The following ACSM2B variants were observed in gnomAD, a reference collection of about 807,000 sequenced individuals.
The protein encoded by ACSM2B is acyl-coenzyme A synthetase ACSM2B, mitochondrial.
ACSM2B carries 58 observed loss-of-function variants against 78.6 expected under a neutral mutation model. That is an observed-to-expected ratio of 0.74 (90% CI 0.60 to 0.92). The LOEUF (loss-of-function observed/expected upper bound fraction) is 0.92. Ranked by LOEUF, ACSM2B falls within the 40% of genes least tolerant of loss-of-function variation. ACSM2B has a pLI of 0.00. For synonymous variants in ACSM2B, 257 were observed against 256.8 expected (o/e 1.00, Z -0.01); for missense variants, 688 against 711.2 (o/e 0.97, Z 0.37).
chr16:20,574,538 T>C (rs1320756744), intron 1 of ACSM2B: 1 of 151,824 alleles, frequency 6.6e-6, no homozygotes, highest in African/African-American at 2.4e-5. Flanking sequence ...GCATAAGAAA[T>C]TATAAAAGTA....
intron 13 of ACSM2B, among the ~76,000 whole-genome samples, chr16:20,540,236 TG>T (rs1365917497): frequency 5.6e-5 from 8 of 142,670 alleles, no homozygotes; most frequent in Non-Finnish European, 7.7e-5. Context: ...TTTTTTTTTT[TG>T]TTTGTTTGTT....
intron 9 of ACSM2B, among the ~76,000 whole-genome samples, chr16:20,545,935 T>C (rs1431526272): frequency 2.0e-5 from 3 of 152,204 alleles, no homozygotes. Flanking sequence ...TAGTGAAAAC[T>C]GGGACATCAT....
chr16:20,539,885 G>T lies in ACSM2B; in HGVS notation c.1629+769C>A, dbSNP rs565149761. ...CACTACAAAGGAAAGAGAGTCAAAG[G>T]GTGAAAGAGAGACACCTGACCACAT... On this transcript the variant is annotated intron_variant, in intron 13 of 13. Transcript: ENST00000329697. Among the ~76,000 whole-genome samples the T allele has an allele frequency of 7.2e-4, 110 of 152,204 alleles. 2 individuals carry two copies. Among genetic ancestry groups the T allele is most frequent in the Admixed American group, 2.4e-3 (37 of 15,286 alleles).
At chr16:20,545,360 C>G (rs1294756069) in intron 9 of ACSM2B, 102 bp from the exon 10 acceptor site, 3 of 1,347,022 alleles carry the variant, frequency 2.2e-6, no homozygotes, top group African/African-American at 2.9e-5. Context: ...CTCTCTTGCT[C>G]TAGTGGAGAC....
chr16:20,572,182 A>T (rs913165105), intron 1 of ACSM2B, among the ~76,000 whole-genome samples: 2 of 150,696 alleles, frequency 1.3e-5, no homozygotes, highest in Admixed American at 1.3e-4. Flanking sequence ...TGTGAGGTTT[A>T]TGCTTTAAAA....
intron 5 of ACSM2B, 97 bp downstream of exon 5, chr16:20,553,680 A>C: frequency 6.6e-7 from 1 of 1,516,958 alleles, no homozygotes; most frequent in Non-Finnish European, 8.8e-7. Flanking sequence ...TCAGAACCAC[A>C]AGGTGGTGAC....
intron 1 of ACSM2B, chr16:20,574,111 C>G (rs1290086664): frequency 6.6e-6 from 1 of 152,118 alleles, no homozygotes; most frequent in Non-Finnish European, 1.5e-5. Flanking sequence ...ATAGACCTAC[C>G]CCCAGGAATG....
chr16:20,544,179 G>T (rs920491872), intron 10 of ACSM2B, among the ~76,000 whole-genome samples: 1 of 152,208 alleles, frequency 6.6e-6, no homozygotes, highest in African/African-American at 2.4e-5. Context: ...AATGCTTGGA[G>T]AAGGGGACAG....
At chr16:20,554,200 C>A (rs1221000256) in intron 4 of ACSM2B, 2 of 572,894 alleles carry the variant, frequency 3.5e-6, no homozygotes, top group Admixed American at 2.5e-5. Context: ...GAGATCAAGT[C>A]TTATAGAGTT....
At chr16:20,540,551 CTT>C in intron 13 of ACSM2B, 101 bp downstream of exon 13, 10 of 1,542,492 alleles carry the variant, frequency 6.5e-6, no homozygotes, top group South Asian at 1.2e-5. Context: ...CCCAGGAAGA[CTT>C]TTTAAAATTA....
At chr16:20,561,777 A>G (rs1376324828) in intron 2 of ACSM2B, among the ~76,000 whole-genome samples, 1 of 151,490 alleles carries the variant, frequency 6.6e-6, no homozygotes, top group Admixed American at 6.6e-5. Context: ...CGTTTGTCAC[A>G]TATGTATACA....
At chr16:20,538,824 G>C (rs1204653536) in intron 13 of ACSM2B, among the ~76,000 whole-genome samples, 1 of 152,128 alleles carries the variant, frequency 6.6e-6, no homozygotes, top group Non-Finnish European at 1.5e-5. Flanking sequence ...GAACCCGACA[G>C]TCTGATTCCT....
chr16:20,553,352 C>T (rs571953145), intron 5 of ACSM2B, among the ~76,000 whole-genome samples: 2 of 152,142 alleles, frequency 1.3e-5, no homozygotes, highest in African/African-American at 4.8e-5. Context: ...ATCCTGAGAT[C>T]TTTGTTCACA....
Position 20,537,884 on chromosome 16 carries a change from A to G in ACSM2B, c.1630-522T>C, listed in dbSNP as rs539592819. On this transcript the variant is annotated intron_variant, in intron 13 of 13. Transcript: ENST00000329697. ...CTTTAGACATGTAAGACATTTAAGAATTAGGATACCTCATTTTGAATTCCA... is the reference window on the plus strand; with the variant it reads ...CTTTAGACATGTAAGACATTTAAGAGTTAGGATACCTCATTTTGAATTCCA... Among the ~76,000 whole-genome samples, 137 of 152,320 alleles carry G rather than the reference A, an allele frequency of 9.0e-4. 2 individuals carry two copies. In the South Asian group the frequency reaches 0.017, roughly 19 times the overall value.
chr16:20,537,509 G>T, intron 13 of ACSM2B, 147 bp from the exon 14 acceptor site: 1 of 804,418 alleles, frequency 1.2e-6, no homozygotes, highest in Non-Finnish European at 2.1e-6. Context: ...TTCAGAAGGT[G>T]CTCTGGGATG....
At chr16:20,542,889 C>G in intron 12 of ACSM2B, 25 bp downstream of exon 12, 4 of 1,612,904 alleles carry the variant, frequency 2.5e-6, no homozygotes, top group Non-Finnish European at 2.5e-6. Flanking sequence ...ATCTGTTCAC[C>G]CCCAGGCTAC....
At chr16:20,538,140 C>T (rs571660604) in intron 13 of ACSM2B, among the ~76,000 whole-genome samples, 22 of 152,210 alleles carry the variant, frequency 1.4e-4, no homozygotes, top group East Asian at 3.9e-4. Flanking sequence ...TAAAAATTAA[C>T]GCTTTATTAA....
chr16:20,567,915 A>C (rs1230609400), intron 1 of ACSM2B, among the ~76,000 whole-genome samples: 1 of 143,262 alleles, frequency 7.0e-6, no homozygotes, highest in Non-Finnish European at 1.5e-5. Context: ...AGTATATATT[A>C]AATATATAAA....
chr16:20,542,781 C>T (rs909456046), intron 12 of ACSM2B, 133 bp downstream of exon 12: 27 of 1,216,708 alleles, frequency 2.2e-5, no homozygotes, highest in South Asian at 1.2e-4. Flanking sequence ...CCCAAGGTCA[C>T]ATAGCTAGTA....
Sources: allele counts gnomAD v4.1 joint callset (sites outside exome capture counted in the v4.1 genomes callset), GRCh38; gene constraint gnomAD v4.1.1; transcripts MANE v1.5; gene names NCBI Gene and HGNC (gene_info 2026-07-23, HGNC 2026-07-21).